Variants in NOS1 observed in about 807,000 individuals in gnomAD.
NOS1 encodes NOS type I.
A neutral mutation model predicts 164.5 loss-of-function variants in NOS1; 51 were observed. That is an observed-to-expected ratio of 0.31 (90% confidence interval 0.25 to 0.39). NOS1 has a LOEUF of 0.39. Ranked by LOEUF, NOS1 falls within the 10% of genes least tolerant of loss-of-function variation. The probability of loss-of-function intolerance (pLI) is 1.00; values close to 1 mark genes in which losing one functional copy is unlikely to be tolerated. For missense variants in NOS1, 1,362 were observed against 1,885.6 expected (o/e 0.72, Z 5.14); for synonymous variants, 719 against 745.8 (o/e 0.96, Z 0.59).
intron 11 of NOS1, among the ~76,000 whole-genome samples, chr12:117,265,931 C>T (rs556370338): frequency 1.3e-5 from 2 of 151,108 alleles, no homozygotes; most frequent in South Asian, 4.2e-4. Flanking sequence ...GCTGGGACTA[C>T]AGGCGCCCGC....
At chr12:117,315,737 G>A (rs542288426) in intron 2 of NOS1, among the ~76,000 whole-genome samples, 2 of 152,284 alleles carry the variant, frequency 1.3e-5, no homozygotes, top group South Asian at 4.1e-4. Flanking sequence ...GGCTTTGCTG[G>A]TTATAAACTG....
chr12:117,218,174 A>G lies in NOS1; in HGVS notation c.4171-10T>C. 1 of 1,597,058 alleles carries G rather than the reference A, an allele frequency of 6.3e-7. No individual in the cohort carries two copies. The highest frequency in any genetic ancestry group is 8.6e-7 in the Non-Finnish European group (1 of 1,164,542). On this transcript the variant is annotated splice_polypyrimidine_tract_variant and intron_variant, in intron 27 of 28. Coordinates refer to ENST00000317775, the MANE Select transcript of NOS1 (RefSeq NM_000620.5). The stretch of plus-strand genomic sequence containing the variant: ...GGTATCGGTTGTCATCCTAGAAGAC[A>G]GAAACAGCCAGAAAACAGCTCTCAA...
intron 2 of NOS1, among the ~76,000 whole-genome samples, chr12:117,328,203 C>T (rs1347863577): frequency 6.6e-6 from 1 of 152,110 alleles, no homozygotes; most frequent in South Asian, 2.1e-4. Flanking sequence ...TGGAGTCTCA[C>T]TCTGTGGTCC....
Position 117,214,524 on chromosome 12 carries a change from A to T in NOS1, c.*785T>A. 1.0e-6 allele frequency: 1 copy of T among 985,430 alleles called. No homozygotes were observed. Among genetic ancestry groups the T allele is most frequent in the Non-Finnish European group, 1.2e-6 (1 of 829,948 alleles). The allele number at this position is 985,430 out of a possible 1,614,324, so 61.0% of individuals were successfully genotyped here. ...AATCCATTGGATGGGTTCATGTCACATGAGGGCTCTGCTCACTGGTATCAA... is the reference window on the plus strand; with the variant it reads ...AATCCATTGGATGGGTTCATGTCACTTGAGGGCTCTGCTCACTGGTATCAA... On this transcript the variant is annotated 3_prime_UTR_variant, in exon 29 of 29. Transcript: ENST00000317775.
intron 1 of NOS1, among the ~76,000 whole-genome samples, chr12:117,358,857 G>C (rs566778449): frequency 2.0e-5 from 3 of 152,366 alleles, no homozygotes; most frequent in African/African-American, 7.2e-5. Context: ...TGGCTGAACA[G>C]ATGTATCAGG....
At chr12:117,245,642 G>A (rs816356) in intron 18 of NOS1, 83,529 of 152,396 alleles carry the variant, frequency 0.55, 25,297 homozygotes, top group African/African-American at 0.81. Flanking sequence ...CGTTGTATGT[G>A]AAATGTGTGC....
intron 7 of NOS1, among the ~76,000 whole-genome samples, chr12:117,281,700 G>C (rs1022512727): frequency 4.0e-5 from 6 of 151,310 alleles, no homozygotes; most frequent in Non-Finnish European, 8.8e-5. Flanking sequence ...TGGCTGTGGT[G>C]GGGGGTGCCT....
At chr12:117,266,843 T>C (rs1018732132) in intron 11 of NOS1, among the ~76,000 whole-genome samples, 2 of 152,172 alleles carry the variant, frequency 1.3e-5, no homozygotes, top group African/African-American at 4.8e-5. Context: ...TGGCTAGTTT[T>C]CATTGTTCAT....
intron 3 of NOS1, among the ~76,000 whole-genome samples, chr12:117,301,564 C>T (rs1412884545): frequency 1.3e-5 from 2 of 152,288 alleles, no homozygotes; most frequent in South Asian, 2.1e-4. Context: ...TGAGAGGTGA[C>T]GTGGCTATCC....
At chr12:117,247,569 T>C in intron 17 of NOS1, 47 bp from the exon 18 acceptor site, 3 of 1,542,262 alleles carry the variant, frequency 1.9e-6, no homozygotes, top group Non-Finnish European at 2.6e-6. Flanking sequence ...CTGTGGGGAA[T>C]GTGGGGAGTG....
In NOS1 at chr12:117,271,342, A is replaced by T. The variant is rs201524594; in HGVS notation, c.1839+1043T>A. On this transcript the variant is annotated intron_variant, in intron 10 of 28. Transcript: ENST00000317775. ...GCCCAGGCTGGAGTACAGTGGCGCA[A>T]TCTCGGCTCACTGCGACCTCTGCCT... Among the ~76,000 whole-genome samples the T allele has an allele frequency of 2.0e-4, 31 of 151,860 alleles. No homozygotes were observed. The East Asian group carries it at 5.5e-3, about 27-fold the overall frequency.
chr12:117,302,041 C>T (rs1873846743), intron 3 of NOS1: 1 of 456,724 alleles, frequency 2.2e-6, no homozygotes, highest in East Asian at 6.9e-5. Flanking sequence ...CGTTGAGCAC[C>T]AAAACCCTCT....
At chr12:117,355,741 T>TA (rs1315700093) in intron 1 of NOS1, among the ~76,000 whole-genome samples, 3 of 152,156 alleles carry the variant, frequency 2.0e-5, no homozygotes, top group Admixed American at 6.5e-5. Flanking sequence ...CTTTTTTATT[T>TA]AAAAAAATTA....
At chr12:117,358,424 C>T (rs1224813761) in intron 1 of NOS1, among the ~76,000 whole-genome samples, 1 of 152,118 alleles carries the variant, frequency 6.6e-6, no homozygotes, top group Non-Finnish European at 1.5e-5. Context: ...AAAGAGGAGA[C>T]AGAAAGGGCA....
At chr12:117,325,008 A>C (rs1350424404) in intron 2 of NOS1, among the ~76,000 whole-genome samples, 1 of 152,238 alleles carries the variant, frequency 6.6e-6, no homozygotes, top group African/African-American at 2.4e-5. Context: ...AATGGGGACA[A>C]CAGAGCAGGA....
At chr12:117,270,891 A>C (rs1872743888) in intron 10 of NOS1, among the ~76,000 whole-genome samples, 1 of 152,048 alleles carries the variant, frequency 6.6e-6, no homozygotes, top group Non-Finnish European at 1.5e-5. Context: ...ATAATTAAAA[A>C]AATTAGCCAG....
At chr12:117,222,656 G>A in intron 26 of NOS1, 59 bp downstream of exon 26, 1 of 1,517,744 alleles carries the variant, frequency 6.6e-7, no homozygotes, top group African/African-American at 1.4e-5. Context: ...TCTGAGAGTA[G>A]GATGTCCAAG....
chr12:117,219,672 A>G (rs367760304), intron 27 of NOS1, among the ~76,000 whole-genome samples: 2 of 152,214 alleles, frequency 1.3e-5, no homozygotes, highest in African/African-American at 2.4e-5. Flanking sequence ...CTAGAGGGTC[A>G]CACTAAAGAG....
At chr12:117,266,789 C>G (rs561706594) in intron 11 of NOS1, among the ~76,000 whole-genome samples, 1 of 152,112 alleles carries the variant, frequency 6.6e-6, no homozygotes, top group Non-Finnish European at 1.5e-5. Flanking sequence ...CCACCCTCCT[C>G]GACCTCCCAA....
Sources: gnomAD v4.1 joint callset for allele counts (sites outside exome capture counted in the v4.1 genomes callset) on GRCh38, gnomAD v4.1.1 for gene constraint, MANE v1.5 for transcripts, NCBI Gene and HGNC (gene_info 2026-07-23, HGNC 2026-07-21) for gene names.